IPCEF1: variants seen among roughly 807,000 people sequenced by gnomAD.
IPCEF1 encodes interactor protein for cytohesin exchange factors 1.
Under a neutral mutation model 50.9 loss-of-function variants are expected in IPCEF1, and 31 were observed. That is an observed-to-expected ratio of 0.61 (90% CI 0.46 to 0.82). The LOEUF is 0.82. Ranked by LOEUF, IPCEF1 falls within the 40% of genes least tolerant of loss-of-function variation. The pLI is 0.00. For synonymous variants in IPCEF1, 181 were observed against 192.0 expected (o/e 0.94, Z 0.47); for missense variants, 458 against 514.0 (o/e 0.89, Z 1.05).
chr6:154,190,834 G>A (rs1021687469), intron 10 of IPCEF1, among the ~76,000 whole-genome samples: 2 of 152,100 alleles, frequency 1.3e-5, no homozygotes, highest in African/African-American at 4.8e-5. Flanking sequence ...TGATTAAAAA[G>A]TGACCTATCC....
intron 10 of IPCEF1, among the ~76,000 whole-genome samples, chr6:154,189,303 G>A (rs1801654415): frequency 6.6e-6 from 1 of 152,284 alleles, no homozygotes; most frequent in Non-Finnish European, 1.5e-5. Flanking sequence ...TATTTTGGTG[G>A]AACCAATTTA....
In IPCEF1 at chr6:154,214,238, T is replaced by C. The variant is rs1225156705; in HGVS notation, c.431A>G (p.Glu144Gly). 1 of 1,610,166 alleles carries C rather than the reference T, an allele frequency of 6.2e-7. No individual in the cohort carries two copies. Among genetic ancestry groups the C allele is most frequent in the Non-Finnish European group, 8.5e-7 (1 of 1,176,354 alleles). ...NKLGSAVIHQ[E>G]STTKDEECYS... is the part of the protein sequence containing the mutation. ...CATACCTTCATCCTTTGTAGTGGAT[T>C]CCTGATGGATTACAGCCGATCCAAG... Residue 144 changes from glutamate to glycine, a missense_variant, in exon 8 of 12, where the codon GAA becomes GGA. Glu to Gly is a moderately conservative substitution (Grantham distance 98). Transcript: ENST00000367220.
chr6:154,278,542 A>G (rs538535025), intron 2 of IPCEF1, among the ~76,000 whole-genome samples: 1 of 152,178 alleles, frequency 6.6e-6, no homozygotes, highest in Non-Finnish European at 1.5e-5. Flanking sequence ...AATTCCTGTC[A>G]TGGTCAAAAC....
Position 154,262,957 on chromosome 6 carries a change from G to T in IPCEF1, c.36+2955C>A, listed in dbSNP as rs895007969. 4.0e-5 allele frequency among the ~76,000 whole-genome samples: 6 copies of T among 151,608 alleles called. No individual in the cohort carries two copies. The South Asian group carries it at 1.0e-3, about 26-fold the overall frequency. On this transcript the variant is annotated intron_variant, in intron 3 of 11. Transcript: ENST00000367220. ...ATGCCCAGCTAATTTTTGTATTTTAGTAGAGACAGTGTTTCACCATGTTGG... is the reference window on the plus strand; with the variant it reads ...ATGCCCAGCTAATTTTTGTATTTTATTAGAGACAGTGTTTCACCATGTTGG...
intron 10 of IPCEF1, among the ~76,000 whole-genome samples, chr6:154,173,061 C>G (rs183100006): frequency 6.6e-6 from 1 of 152,224 alleles, no homozygotes; most frequent in South Asian, 2.1e-4. Flanking sequence ...CTCCAACAGA[C>G]GTGCAGCTGA....
At chr6:154,215,907 ACACT>A (rs1778357264) in intron 7 of IPCEF1, among the ~76,000 whole-genome samples, 1 of 152,234 alleles carries the variant, frequency 6.6e-6, no homozygotes, top group Admixed American at 6.5e-5. Flanking sequence ...TGAGAAATGC[ACACT>A]CAAACACAGG....
chr6:154,335,212 G>A (rs1783763535), intron 1 of IPCEF1, among the ~76,000 whole-genome samples: 2 of 152,014 alleles, frequency 1.3e-5, no homozygotes. Flanking sequence ...CAGTTCCAAA[G>A]ATAACTATTT....
intron 1 of IPCEF1, among the ~76,000 whole-genome samples, chr6:154,319,850 A>G (rs1417098465): frequency 6.6e-6 from 1 of 152,198 alleles, no homozygotes; most frequent in East Asian, 1.9e-4. Context: ...TTCTTTTGGA[A>G]AGAGAGAAAA....
chr6:154,228,395 C>A (rs995017295), intron 5 of IPCEF1, among the ~76,000 whole-genome samples: 1 of 152,200 alleles, frequency 6.6e-6, no homozygotes, highest in African/African-American at 2.4e-5. Context: ...TGTTCTCCTG[C>A]CAGAGGTATC....
chr6:154,161,255 G>A (rs529204651), intron 11 of IPCEF1, among the ~76,000 whole-genome samples: 10 of 148,156 alleles, frequency 6.7e-5, no homozygotes, highest in African/African-American at 1.2e-4. Context: ...CTGTTGCCCA[G>A]GCTGGAGTGC....
chr6:154,200,061 CA>C (rs751286153), intron 9 of IPCEF1, 21 bp from the exon 10 acceptor site: 5 of 1,561,238 alleles, frequency 3.2e-6, no homozygotes, highest in South Asian at 1.2e-5. Flanking sequence ...CAAATAAAAC[CA>C]AAAAAAGAAT....
chr6:154,209,457 C>T (rs1249088943), intron 9 of IPCEF1, among the ~76,000 whole-genome samples: 9 of 151,910 alleles, frequency 5.9e-5, no homozygotes, highest in Non-Finnish European at 1.3e-4. Flanking sequence ...CACAGACCAA[C>T]CTAGAGAACA....
At chr6:154,240,204 G>A (rs1780469513) in intron 5 of IPCEF1, among the ~76,000 whole-genome samples, 1 of 152,208 alleles carries the variant, frequency 6.6e-6, no homozygotes, top group South Asian at 2.1e-4. Flanking sequence ...ATTAAGTAAT[G>A]TAATAATTAA....
intron 2 of IPCEF1, among the ~76,000 whole-genome samples, chr6:154,270,482 G>A (rs1781873894): frequency 1.3e-5 from 2 of 152,276 alleles, no homozygotes; most frequent in South Asian, 4.1e-4. Flanking sequence ...TGGGGGTAAT[G>A]TCTCATCTAT....
chr6:154,154,765 CAT>C lies in IPCEF1; in HGVS notation c.*5061_*5062del, dbSNP rs1424390487. 3 of 152,318 alleles carry C rather than the reference CAT, an allele frequency of 2.0e-5. No individual in the cohort carries two copies. Among genetic ancestry groups the C allele is most frequent in the Non-Finnish European group, 4.4e-5 (3 of 67,988 alleles). 9.4% of individuals were successfully genotyped at this position (152,318 alleles called of 1,614,324 possible). A position where few individuals can be genotyped will look rare whatever the true frequency, so the allele number is the denominator to read the frequency against. ...TTATCTTACAAGTCAACCTCAAAAA[CAT>C]AAAGCAGGAGAGAAATGAGCCATGC... On this transcript the variant is annotated 3_prime_UTR_variant, in exon 12 of 12. Transcript: ENST00000367220.
intron 2 of IPCEF1, among the ~76,000 whole-genome samples, chr6:154,272,525 A>G (rs1031359231): frequency 1.3e-5 from 2 of 152,236 alleles, no homozygotes; most frequent in Non-Finnish European, 2.9e-5. Context: ...CAATGAAATC[A>G]CTAATTGTTT....
intron 1 of IPCEF1, chr6:154,306,568 T>A (rs1212684031): frequency 1.3e-5 from 2 of 152,240 alleles, no homozygotes; most frequent in Non-Finnish European, 2.9e-5. Context: ...GACCCAGAGA[T>A]GGCTCATGAC....
At chr6:154,214,182 C>G in intron 8 of IPCEF1, 36 bp downstream of exon 8, 1 of 1,350,738 alleles carries the variant, frequency 7.4e-7, no homozygotes, top group Non-Finnish European at 1.1e-6. Flanking sequence ...TTCTAATATT[C>G]TTGCTAAATT....
At chr6:154,284,413 C>G (rs1782305758) in intron 2 of IPCEF1, among the ~76,000 whole-genome samples, 1 of 152,186 alleles carries the variant, frequency 6.6e-6, no homozygotes, top group Non-Finnish European at 1.5e-5. Context: ...TAGTTCTCCT[C>G]TTCTCCCTCG....
Sources: allele counts gnomAD v4.1 joint callset (sites outside exome capture counted in the v4.1 genomes callset), GRCh38; gene constraint gnomAD v4.1.1; transcripts MANE v1.5; gene names NCBI Gene and HGNC (gene_info 2026-07-23, HGNC 2026-07-21).